PSD3: variants seen among roughly 807,000 people sequenced by gnomAD.
PSD3 encodes PH and SEC7 domain-containing protein 3.
Under a neutral mutation model 105.5 loss-of-function variants are expected in PSD3, and 49 were observed. That is an observed-to-expected ratio of 0.46 (90% CI 0.37 to 0.59). The LOEUF (loss-of-function observed/expected upper bound fraction) is 0.59. Ranked by LOEUF, PSD3 falls within the 20% of genes least tolerant of loss-of-function variation. The pLI is 0.00. For missense variants in PSD3, 1,561 were observed against 1,263.8 expected (o/e 1.24, Z -3.57); for synonymous variants, 557 against 457.8 (o/e 1.22, Z -2.77).
At chr8:18,543,469 T>A (rs1800264484) in intron 15 of PSD3, among the ~76,000 whole-genome samples, 1 of 151,796 alleles carries the variant, frequency 6.6e-6, no homozygotes, top group African/African-American at 2.4e-5. Flanking sequence ...TACAAAAAAA[T>A]TAGCCAGGCG....
intron 9 of PSD3, among the ~76,000 whole-genome samples, chr8:18,693,459 G>A (rs1472172217): frequency 1.3e-5 from 2 of 152,180 alleles, no homozygotes; most frequent in African/African-American, 4.8e-5. Flanking sequence ...CTTAAAAACA[G>A]GGGGAAACAT....
At chr8:18,596,692 G>C (rs549829987) in intron 12 of PSD3, among the ~76,000 whole-genome samples, 1 of 152,008 alleles carries the variant, frequency 6.6e-6, no homozygotes, top group Non-Finnish European at 1.5e-5. Context: ...AAACTGTTAT[G>C]AACAATTATA....
At chr8:19,046,594 T>C (rs368011022) in intron 1 of PSD3, among the ~76,000 whole-genome samples, 4 of 152,194 alleles carry the variant, frequency 2.6e-5, no homozygotes, top group African/African-American at 9.6e-5. Flanking sequence ...TCCTTACCAT[T>C]TCTTTCTGCC....
chr8:19,044,557 T>G (rs903529818), intron 1 of PSD3, among the ~76,000 whole-genome samples: 7 of 152,366 alleles, frequency 4.6e-5, no homozygotes, highest in African/African-American at 1.7e-4. Context: ...AGATATTAAA[T>G]GAATGTAAAG....
intron 1 of PSD3, among the ~76,000 whole-genome samples, chr8:18,940,981 G>C (rs569034221): frequency 2.6e-5 from 4 of 152,284 alleles, no homozygotes; most frequent in Admixed American, 1.3e-4. Context: ...TCTTGAAGCT[G>C]TGAGCCCCTA....
chr8:18,731,978 T>C (rs1460851486), intron 9 of PSD3, among the ~76,000 whole-genome samples: 3 of 152,170 alleles, frequency 2.0e-5, no homozygotes, highest in African/African-American at 4.8e-5. Flanking sequence ...AAATATTCTT[T>C]AGGGAAAATA....
chr8:18,545,995 T>C (rs888299633), intron 15 of PSD3, among the ~76,000 whole-genome samples: 1 of 152,086 alleles, frequency 6.6e-6, no homozygotes, highest in Non-Finnish European at 1.5e-5. Flanking sequence ...GGACCTGAAG[T>C]AGTCTATTTA....
chr8:18,900,974 G>C (rs546982877), intron 2 of PSD3, among the ~76,000 whole-genome samples: 19 of 152,232 alleles, frequency 1.2e-4, no homozygotes, highest in Non-Finnish European at 1.5e-5. Context: ...ATTGTATGCA[G>C]TTATGATTTA....
intron 9 of PSD3, among the ~76,000 whole-genome samples, chr8:18,737,305 C>T (rs911483715): frequency 5.9e-5 from 9 of 152,038 alleles, no homozygotes; most frequent in African/African-American, 1.7e-4. Context: ...AACCCAGGTA[C>T]TATGCTGTGC....
intron 1 of PSD3, among the ~76,000 whole-genome samples, chr8:18,948,147 T>A (rs1822983181): frequency 6.6e-6 from 1 of 152,204 alleles, no homozygotes; most frequent in African/African-American, 2.4e-5. Context: ...TCATCTCGCC[T>A]TTTCCCCTAC....
chr8:18,918,001 T>C lies in PSD3; in HGVS notation c.130+18033A>G, dbSNP rs558089902. On this transcript the variant is annotated intron_variant, in intron 2 of 15. Coordinates refer to ENST00000327040, the MANE Select transcript of PSD3 (RefSeq NM_015310.4). ...CTCACCTCTCCAAAACCACAATCTA[T>C]CTCTAGATTTCCTACTTCCAGAATG... Among the ~76,000 whole-genome samples, 35 of 152,320 alleles carry C rather than the reference T, an allele frequency of 2.3e-4. 2 individuals are homozygous for C. The Middle Eastern group carries it at 0.014, about 59-fold the overall frequency.
chr8:19,009,837 G>A (rs949718592), intron 1 of PSD3, among the ~76,000 whole-genome samples: 3 of 152,104 alleles, frequency 2.0e-5, no homozygotes, highest in African/African-American at 7.2e-5. Flanking sequence ...GTTGCAGTGA[G>A]CTGAGATCGC....
chr8:18,602,164 A>G (rs908719033), intron 11 of PSD3, among the ~76,000 whole-genome samples: 3 of 152,128 alleles, frequency 2.0e-5, no homozygotes, highest in African/African-American at 7.2e-5. Context: ...CCCTAAAACT[A>G]ATTTATTGGC....
At chr8:18,546,779 C>T (rs1205766449) in intron 15 of PSD3, among the ~76,000 whole-genome samples, 2 of 152,186 alleles carry the variant, frequency 1.3e-5, no homozygotes, top group East Asian at 1.9e-4. Context: ...TCAACATCTA[C>T]TTATTTCCCT....
chr8:19,061,733 A>G (rs1828903241), intron 1 of PSD3, among the ~76,000 whole-genome samples: 1 of 151,400 alleles, frequency 6.6e-6, no homozygotes, highest in South Asian at 2.1e-4. Context: ...TGACCCCAGG[A>G]GGCGGAGGTT....
At chr8:18,577,402 G>A (rs907599192) in intron 12 of PSD3, among the ~76,000 whole-genome samples, 9 of 151,918 alleles carry the variant, frequency 5.9e-5, no homozygotes, top group African/African-American at 2.2e-4. Context: ...TTATATTCAA[G>A]TTTATTGACT....
At chr8:18,789,386 T>G (rs1276690719) in intron 8 of PSD3, among the ~76,000 whole-genome samples, 1 of 152,170 alleles carries the variant, frequency 6.6e-6, no homozygotes, top group African/African-American at 2.4e-5. Context: ...CAATTTTAAG[T>G]GCTATTCTTT....
rs1270341364 is a variant in PSD3 at position 18,875,834 on chromosome 8, G to C, written c.131-3101C>G. Among the ~76,000 whole-genome samples the C allele has an allele frequency of 5.3e-5, 8 of 152,118 alleles. No homozygotes were observed. The East Asian group carries it at 1.4e-3, about 26-fold the overall frequency. On this transcript the variant is annotated intron_variant, in intron 2 of 15. Transcript: ENST00000327040. ...TTACAGGCGTGAGCCATGGCGCCTG[G>C]CCATTCCAGAACATTTTTATCACTC...
chr8:19,050,130 C>T (rs1413227919), intron 1 of PSD3, among the ~76,000 whole-genome samples: 1 of 152,166 alleles, frequency 6.6e-6, no homozygotes, highest in African/African-American at 2.4e-5. Flanking sequence ...GCCATGTCAG[C>T]TCTGCTAAGT....
Sources: allele counts gnomAD v4.1 joint callset (sites outside exome capture counted in the v4.1 genomes callset), GRCh38; gene constraint gnomAD v4.1.1; transcripts MANE v1.5; gene names NCBI Gene and HGNC (gene_info 2026-07-23, HGNC 2026-07-21).